FAT3: variants seen among roughly 807,000 people sequenced by gnomAD.
FAT3 encodes the protein FAT atypical cadherin 3.
A neutral mutation model predicts 310.2 loss-of-function variants in FAT3; 95 were observed. The ratio of observed to expected loss-of-function variants is 0.31; its 90% confidence interval spans 0.26 to 0.36. FAT3 has a LOEUF of 0.36. Ranked by LOEUF, FAT3 falls within the 10% of genes least tolerant of loss-of-function variation. The pLI is 1.00. For missense variants in FAT3, 5,408 were observed against 5,715.6 expected (o/e 0.95, Z 1.74); for synonymous variants, 2,314 against 2,192.9 (o/e 1.06, Z -1.54).
chr11:92,614,329 T>C (rs563107535), intron 3 of FAT3, among the ~76,000 whole-genome samples: 1 of 152,204 alleles, frequency 6.6e-6, no homozygotes, highest in Non-Finnish European at 1.5e-5. Flanking sequence ...TGCCAGACTA[T>C]TTTGCAAAGG....
At chr11:92,431,279 T>C (rs1185946732) in intron 2 of FAT3, among the ~76,000 whole-genome samples, 1 of 152,162 alleles carries the variant, frequency 6.6e-6, no homozygotes, top group African/African-American at 2.4e-5. Context: ...GAGCATTTTT[T>C]CATGTGTCTT....
At chr11:92,378,358 G>T (rs921774434) in intron 2 of FAT3, among the ~76,000 whole-genome samples, 2 of 152,018 alleles carry the variant, frequency 1.3e-5, no homozygotes, top group African/African-American at 4.8e-5. Context: ...CTTTATCATC[G>T]AGATAGTTAT....
intron 1 of FAT3, among the ~76,000 whole-genome samples, chr11:92,231,635 A>T (rs1864184760): frequency 6.6e-6 from 1 of 152,222 alleles, no homozygotes; most frequent in Admixed American, 6.5e-5. Context: ...TCAAAAAGTG[A>T]GCACTCTGGA....
intron 1 of FAT3, among the ~76,000 whole-genome samples, chr11:92,338,885 C>T (rs1455980614): frequency 6.6e-6 from 1 of 151,986 alleles, no homozygotes; most frequent in Non-Finnish European, 1.5e-5. Context: ...CCTCAGAACC[C>T]AGTCAGGTTT....
At chr11:92,550,619 T>TA (rs1954779103) in intron 3 of FAT3, among the ~76,000 whole-genome samples, 1 of 152,074 alleles carries the variant, frequency 6.6e-6, no homozygotes, top group African/African-American at 2.4e-5. Flanking sequence ...TCACAAACAA[T>TA]AGGTGGCCAT....
At chr11:92,608,388 G>A (rs1350284819) in intron 3 of FAT3, among the ~76,000 whole-genome samples, 1 of 152,048 alleles carries the variant, frequency 6.6e-6, no homozygotes, top group African/African-American at 2.4e-5. Context: ...TATGCTGTTA[G>A]TTGTTACTTT....
chr11:92,477,187 C>T (rs2135175504), intron 2 of FAT3, among the ~76,000 whole-genome samples: 1 of 152,306 alleles, frequency 6.6e-6, no homozygotes, highest in East Asian at 1.9e-4. Context: ...TACTTTCCCA[C>T]AGAAAAGAAT....
chr11:92,683,774 G>A (rs1943554281), intron 3 of FAT3, among the ~76,000 whole-genome samples: 1 of 152,222 alleles, frequency 6.6e-6, no homozygotes, highest in African/African-American at 2.4e-5. Context: ...CGTTAATACA[G>A]AAACCTTCCA....
chr11:92,333,405 T>C (rs1302355427), intron 1 of FAT3, among the ~76,000 whole-genome samples: 2 of 152,190 alleles, frequency 1.3e-5, no homozygotes, highest in Non-Finnish European at 2.9e-5. Context: ...GAAATTCTAG[T>C]ATAAGAGAGT....
At chr11:92,311,711 C>T (rs1947310313) in intron 1 of FAT3, among the ~76,000 whole-genome samples, 1 of 151,854 alleles carries the variant, frequency 6.6e-6, no homozygotes. Context: ...GACCTTGGCT[C>T]AAAGGTTTCT....
chr11:92,290,586 A>G (rs1174032663), intron 1 of FAT3, among the ~76,000 whole-genome samples: 1 of 151,542 alleles, frequency 6.6e-6, no homozygotes, highest in Admixed American at 6.6e-5. Context: ...GCGAAACCCC[A>G]TTTCCACACA....
At chr11:92,372,146 TG>T (rs1334648486) in intron 2 of FAT3, among the ~76,000 whole-genome samples, 1 of 152,210 alleles carries the variant, frequency 6.6e-6, no homozygotes, top group East Asian at 1.9e-4. Context: ...TGGTCAAATC[TG>T]CCACATAGAC....
chr11:92,408,572 C>A (rs1950186236), intron 2 of FAT3, among the ~76,000 whole-genome samples: 2 of 152,178 alleles, frequency 1.3e-5, no homozygotes, highest in Admixed American at 1.3e-4. Flanking sequence ...ACAGAGTGAA[C>A]ACTCACCAAA....
intron 2 of FAT3, among the ~76,000 whole-genome samples, chr11:92,378,885 C>T (rs1437845451): frequency 2.0e-5 from 3 of 152,126 alleles, no homozygotes; most frequent in African/African-American, 7.2e-5. Flanking sequence ...GCATTTTTCT[C>T]AGGTTGCTTT....
Position 92,844,364 on chromosome 11 carries a change from T to C in FAT3, c.10997T>C (p.Met3666Thr), listed in dbSNP as rs1948630532. The change falls in exon 19 of 28, where the codon ATG (methionine) becomes ACG (threonine). Residue 3666 changes from methionine (M) to threonine (T), a missense_variant. By Grantham distance (81) the Met-to-Thr change is moderately conservative. Around this residue, in one of 5 missense-constraint regions of FAT3, gnomAD observed 4,588 missense variants for 4,809.8 expected, o/e 0.95. Transcript: ENST00000525166. ...CCTGAGGACTTCGTGGGGCTGCACA[T>C]GCATGGGTTCCGGCGCACCCTGCGG... ...VSPEDFVGLHMHGFRRTLRNA... is the reference protein window; with the variant it reads ...VSPEDFVGLHTHGFRRTLRNA... 1.9e-6 allele frequency: 3 copies of C among 1,613,944 alleles called. No individual in the cohort carries two copies. The highest frequency in any genetic ancestry group is 2.2e-5 in the East Asian group (1 of 44,880).
intron 2 of FAT3, among the ~76,000 whole-genome samples, chr11:92,385,688 A>G (rs188915782): frequency 5.3e-5 from 8 of 151,954 alleles, no homozygotes; most frequent in Admixed American, 5.2e-4. Flanking sequence ...GATTTTAGAC[A>G]CCTCATCTCA....
chr11:92,228,609 C>T (rs779446062), intron 1 of FAT3, among the ~76,000 whole-genome samples: 2 of 152,182 alleles, frequency 1.3e-5, no homozygotes, highest in Non-Finnish European at 2.9e-5. Context: ...TAGGCAATTA[C>T]CAGGCAGGAG....
intron 2 of FAT3, among the ~76,000 whole-genome samples, chr11:92,394,014 T>A (rs1215400266): frequency 1.3e-5 from 2 of 152,156 alleles, no homozygotes; most frequent in Non-Finnish European, 2.9e-5. Context: ...TTGTCAAGGG[T>A]GGGGACTGCA....
chr11:92,622,413 G>A (rs1011433494), intron 3 of FAT3, among the ~76,000 whole-genome samples: 1 of 152,062 alleles, frequency 6.6e-6, no homozygotes, highest in African/African-American at 2.4e-5. Flanking sequence ...ATAATACCTT[G>A]CTAAGTAATT....
Sources: allele counts gnomAD v4.1 joint callset (sites outside exome capture counted in the v4.1 genomes callset), GRCh38; gene constraint gnomAD v4.1.1; regional missense constraint gnomAD v4.1.1; transcripts MANE v1.5; gene names NCBI Gene and HGNC (gene_info 2026-07-23, HGNC 2026-07-21).